Variants in LRRC7 observed in about 807,000 individuals in gnomAD.
LRRC7 encodes the protein leucine rich repeat containing 7.
In LRRC7, 23 loss-of-function variants were observed where a neutral mutation model predicts 175.7. The observed-to-expected ratio is 0.13, with a 90% confidence interval of 0.09 to 0.19. The LOEUF is 0.19. Among genes scored for constraint, LRRC7 ranks in the 10% least tolerant of loss-of-function variants. The pLI is 1.00. For missense variants in LRRC7, 1,354 were observed against 1,904.7 expected (o/e 0.71, Z 5.38); for synonymous variants, 685 against 680.9 (o/e 1.01, Z -0.09).
chr1:69,939,011 ATATC>A (rs1273806869), intron 8 of LRRC7, among the ~76,000 whole-genome samples: 13 of 91,262 alleles, frequency 1.4e-4, no homozygotes, highest in South Asian at 6.4e-4. Flanking sequence ...ATATATATAT[ATATC>A]TATATATATA....
intron 22 of LRRC7, among the ~76,000 whole-genome samples, chr1:70,047,746 G>A (rs1024173779): frequency 1.3e-5 from 2 of 151,760 alleles, no homozygotes; most frequent in Non-Finnish European, 2.9e-5. Flanking sequence ...ACTATAAAGA[G>A]TAAATTACAT....
chr1:69,718,144 GAA>G (rs1491470790), intron 2 of LRRC7, among the ~76,000 whole-genome samples: 19 of 96,486 alleles, frequency 2.0e-4, no homozygotes, highest in Admixed American at 3.8e-4. Context: ...GAAAGAGAGA[GAA>G]AGAAAGAAAG....
At chr1:70,120,961 C>G (rs1666174641) in intron 26 of LRRC7, among the ~76,000 whole-genome samples, 1 of 152,024 alleles carries the variant, frequency 6.6e-6, no homozygotes, top group Admixed American at 6.6e-5. Flanking sequence ...TCAAGACAAT[C>G]TGCAACTTAA....
intron 8 of LRRC7, among the ~76,000 whole-genome samples, chr1:69,956,006 T>A (rs1164117779): frequency 6.6e-6 from 1 of 151,876 alleles, no homozygotes; most frequent in Non-Finnish European, 1.5e-5. Context: ...AAATACCTAA[T>A]TTATTGATGT....
intron 11 of LRRC7, among the ~76,000 whole-genome samples, chr1:69,996,800 AG>A (rs1275652134): frequency 2.6e-5 from 4 of 151,608 alleles, no homozygotes; most frequent in African/African-American, 4.8e-5. Context: ...TGGTTACTGT[AG>A]CCTTGTAGTA....
chr1:69,919,969 G>C lies in LRRC7; in HGVS notation c.648-11538G>C, dbSNP rs1646836296. The C allele has an allele frequency of 7.2e-6, 4 of 556,628 alleles. No homozygotes were observed. The Admixed American group carries it at 1.1e-4, about 15-fold the overall frequency. 34.5% of individuals were successfully genotyped at this position (556,628 alleles called of 1,614,324 possible). On this transcript the variant is annotated intron_variant, in intron 7 of 26. Coordinates refer to ENST00000651989, the MANE Select transcript of LRRC7 (RefSeq NM_001370785.2). ...AAATGGCTGGGAGGGGGCCCTTCCA[G>C]ACTGGGGGCCCTTCCAGACTGGGGG... is the stretch of plus-strand genomic sequence containing the variant.
chr1:69,640,314 T>C (rs554009670), intron 1 of LRRC7, among the ~76,000 whole-genome samples: 25 of 151,824 alleles, frequency 1.6e-4, no homozygotes, highest in African/African-American at 5.5e-4. Context: ...AATTAATTCT[T>C]GAGGATGTAA....
chr1:69,941,184 T>C (rs972617805), intron 8 of LRRC7, among the ~76,000 whole-genome samples: 9 of 151,956 alleles, frequency 5.9e-5, no homozygotes, highest in African/African-American at 1.7e-4. Context: ...GAGAAAAGTA[T>C]TGGGAGATAA....
intron 2 of LRRC7, among the ~76,000 whole-genome samples, chr1:69,704,722 A>C (rs949203609): frequency 6.6e-6 from 1 of 151,958 alleles, no homozygotes; most frequent in Admixed American, 6.6e-5. Context: ...AATCTAATAC[A>C]TTGTATCTAT....
chr1:69,634,619 G>A (rs915472990), intron 1 of LRRC7, among the ~76,000 whole-genome samples: 1 of 152,048 alleles, frequency 6.6e-6, no homozygotes, highest in Non-Finnish European at 1.5e-5. Flanking sequence ...ACCTAACTAT[G>A]AATTCCATTA....
At chr1:69,605,392 G>A (rs1358290427) in intron 1 of LRRC7, among the ~76,000 whole-genome samples, 3 of 152,132 alleles carry the variant, frequency 2.0e-5, no homozygotes, top group Non-Finnish European at 4.4e-5. Context: ...AGCAGCATGA[G>A]AGCAGACTAA....
At chr1:69,617,120 G>A (rs956077420) in intron 1 of LRRC7, among the ~76,000 whole-genome samples, 5 of 152,096 alleles carry the variant, frequency 3.3e-5, no homozygotes, top group African/African-American at 1.2e-4. Context: ...ACATGGCTGA[G>A]AATTGCAGTG....
intron 4 of LRRC7, among the ~76,000 whole-genome samples, chr1:69,807,865 T>G (rs910224905): frequency 6.6e-6 from 1 of 152,024 alleles, no homozygotes; most frequent in Non-Finnish European, 1.5e-5. Flanking sequence ...CTGGGGAAGT[T>G]CTCCCGGATA....
chr1:69,891,044 G>T (rs12732137), intron 7 of LRRC7, among the ~76,000 whole-genome samples: 2 of 152,068 alleles, frequency 1.3e-5, no homozygotes, highest in African/African-American at 2.4e-5. Flanking sequence ...TATCATTCAT[G>T]TATTCACTGA....
At chr1:69,809,829 A>G (rs1168911908) in intron 4 of LRRC7, among the ~76,000 whole-genome samples, 1 of 151,736 alleles carries the variant, frequency 6.6e-6, no homozygotes, top group Non-Finnish European at 1.5e-5. Context: ...TGAATGGGCA[A>G]AAACTGGAAG....
intron 2 of LRRC7, among the ~76,000 whole-genome samples, chr1:69,724,782 T>A (rs1196684743): frequency 1.3e-5 from 2 of 152,200 alleles, no homozygotes; most frequent in Non-Finnish European, 2.9e-5. Context: ...TACAATTTTG[T>A]GGTTATTGAA....
chr1:70,022,096 G>A (rs149473395), intron 16 of LRRC7, among the ~76,000 whole-genome samples: 378 of 152,022 alleles, frequency 2.5e-3, no homozygotes, highest in Non-Finnish European at 4.5e-3. Context: ...ATATCGTTAC[G>A]GAGAACCCAA....
At chr1:70,108,526 T>G (rs929207408) in intron 26 of LRRC7, among the ~76,000 whole-genome samples, 4 of 152,216 alleles carry the variant, frequency 2.6e-5, no homozygotes, top group South Asian at 2.1e-4. Context: ...ACTTCCTATA[T>G]AAGAGGTGCA....
At chr1:69,627,678 G>A (rs1224674394) in intron 1 of LRRC7, among the ~76,000 whole-genome samples, 1 of 151,946 alleles carries the variant, frequency 6.6e-6, no homozygotes, top group Non-Finnish European at 1.5e-5. Context: ...GTATTGCCTA[G>A]GTTTTCTTCT....
Sources: gnomAD v4.1 joint callset for allele counts (sites outside exome capture counted in the v4.1 genomes callset) on GRCh38, gnomAD v4.1.1 for gene constraint, MANE v1.5 for transcripts, NCBI Gene and HGNC (gene_info 2026-07-23, HGNC 2026-07-21) for gene names.